PRKG1: variants seen among roughly 807,000 people sequenced by gnomAD.
PRKG1 encodes the protein cGMP-dependent protein kinase 1.
PRKG1 carries 35 observed loss-of-function variants against 88.1 expected under a neutral mutation model. The observed-to-expected ratio is 0.40, with a 90% CI of 0.30 to 0.53. The LOEUF (loss-of-function observed/expected upper bound fraction) is 0.53, where lower values mean the gene tolerates loss of function less well. PRKG1 is among the 20% of genes least tolerant of loss of function. The pLI, the probability that PRKG1 is intolerant of heterozygous loss-of-function variation, is 0.59. For missense variants in PRKG1, 540 were observed against 839.8 expected, an observed-to-expected ratio of 0.64 and a Z score of 4.41; for synonymous variants, 303 against 292.5, an observed-to-expected ratio of 1.04 and a Z score of -0.37.
intron 4 of PRKG1, among the ~76,000 whole-genome samples, chr10:51,849,723 T>A (rs1840496080): frequency 6.6e-6 from 1 of 152,184 alleles, no homozygotes; most frequent in South Asian, 2.1e-4. Context: ...CTTTTAAAAT[T>A]CTTCAGATTT....
At chr10:50,996,360 T>C (rs1447263233) in intron 1 of PRKG1, among the ~76,000 whole-genome samples, 4 of 152,204 alleles carry the variant, frequency 2.6e-5, no homozygotes, top group African/African-American at 9.6e-5. Flanking sequence ...CACTATACTA[T>C]ATGAACTTGG....
chr10:51,681,213 T>C (rs1840841990), intron 3 of PRKG1, among the ~76,000 whole-genome samples: 1 of 152,174 alleles, frequency 6.6e-6, no homozygotes, highest in African/African-American at 2.4e-5. Context: ...ATCTATTCAA[T>C]TTCATTAGTG....
chr10:51,577,718 C>G (rs936656142), intron 3 of PRKG1, among the ~76,000 whole-genome samples: 3 of 152,008 alleles, frequency 2.0e-5, no homozygotes, highest in Non-Finnish European at 4.4e-5. Flanking sequence ...CCTGAAACAG[C>G]TGATGTCTTG....
chr10:51,588,505 A>C (rs534104512), intron 3 of PRKG1, among the ~76,000 whole-genome samples: 1 of 152,296 alleles, frequency 6.6e-6, no homozygotes, highest in Non-Finnish European at 1.5e-5. Context: ...TGTATTTCTC[A>C]GTTTCACTCA....
At chr10:51,953,910 G>A (rs1431974217) in intron 5 of PRKG1, among the ~76,000 whole-genome samples, 1 of 151,948 alleles carries the variant, frequency 6.6e-6, no homozygotes, top group Non-Finnish European at 1.5e-5. Context: ...TAAAGAAATT[G>A]CCCCTTTTAT....
chr10:51,144,459 G>A (rs765674643), intron 1 of PRKG1, among the ~76,000 whole-genome samples: 77 of 152,052 alleles, frequency 5.1e-4, no homozygotes, highest in South Asian at 1.5e-3. Flanking sequence ...GTACATTGTG[G>A]AACACAGAAT....
chr10:51,145,126 G>A (rs1845912446), intron 1 of PRKG1, among the ~76,000 whole-genome samples: 3 of 152,158 alleles, frequency 2.0e-5, no homozygotes, highest in Non-Finnish European at 4.4e-5. Flanking sequence ...GTGGTGGTGT[G>A]AGTTGCTGGG....
At chr10:51,334,284 T>C (rs542360464) in intron 2 of PRKG1, among the ~76,000 whole-genome samples, 1 of 151,850 alleles carries the variant, frequency 6.6e-6, no homozygotes, top group Non-Finnish European at 1.5e-5. Context: ...AACTAAAATG[T>C]AAATTCTCCA....
At chr10:52,178,485 A>G (rs1245620749) in intron 9 of PRKG1, among the ~76,000 whole-genome samples, 1 of 152,062 alleles carries the variant, frequency 6.6e-6, no homozygotes, top group Non-Finnish European at 1.5e-5. Flanking sequence ...GTTGGCTGAA[A>G]TGCTCTGTAA....
At chr10:51,649,571 C>T (rs1344231244) in intron 3 of PRKG1, among the ~76,000 whole-genome samples, 3 of 152,020 alleles carry the variant, frequency 2.0e-5, no homozygotes, top group Non-Finnish European at 2.9e-5. Context: ...TTCGTGTCAC[C>T]GATAGAGAGT....
chr10:51,355,159 G>A (rs903010607), intron 2 of PRKG1, among the ~76,000 whole-genome samples: 1 of 152,008 alleles, frequency 6.6e-6, no homozygotes, highest in Non-Finnish European at 1.5e-5. Context: ...ATGGTACTTG[G>A]TGCATAATAA....
At chr10:52,133,292 G>T (rs1837315002) in intron 7 of PRKG1, among the ~76,000 whole-genome samples, 1 of 152,090 alleles carries the variant, frequency 6.6e-6, no homozygotes, top group Non-Finnish European at 1.5e-5. Context: ...CTTAAGATTT[G>T]TCAAATGCTC....
At chr10:51,003,595 C>G (rs1420895945) in intron 1 of PRKG1, among the ~76,000 whole-genome samples, 1 of 152,190 alleles carries the variant, frequency 6.6e-6, no homozygotes, top group African/African-American at 2.4e-5. Flanking sequence ...CTCTTCTTAG[C>G]CTATGTCTGC....
intron 2 of PRKG1, among the ~76,000 whole-genome samples, chr10:51,232,878 T>C (rs1404496000): frequency 1.3e-5 from 2 of 152,188 alleles, no homozygotes; most frequent in Non-Finnish European, 2.9e-5. Flanking sequence ...CATTTCTAGC[T>C]ATGATTAGTT....
At chr10:52,016,781 T>C (rs1457401350) in intron 5 of PRKG1, among the ~76,000 whole-genome samples, 1 of 152,010 alleles carries the variant, frequency 6.6e-6, no homozygotes, top group Non-Finnish European at 1.5e-5. Context: ...AGATAGAAAA[T>C]AAGCATATTT....
intron 1 of PRKG1, among the ~76,000 whole-genome samples, chr10:51,119,950 C>T (rs1057111314): frequency 2.6e-5 from 4 of 152,076 alleles, no homozygotes; most frequent in African/African-American, 9.7e-5. Flanking sequence ...TGAGCTTGGA[C>T]ATGAAAGTTT....
Position 51,695,209 on chromosome 10 carries a change from T to C in PRKG1, c.593-109376T>C, listed in dbSNP as rs150150771. Among the ~76,000 whole-genome samples, 605 of 152,324 alleles carry C rather than the reference T, an allele frequency of 4.0e-3. 5 individuals carry two copies. The highest frequency in any genetic ancestry group is 0.014 in the African/African-American group (584 of 41,580). On this transcript the variant is annotated intron_variant, in intron 3 of 17. Transcript: ENST00000373980. ...TAATGAAGATAGCTACGAGGTGCTA[T>C]TGAAATACAGAGGAATTCTCTCTGG...
intron 3 of PRKG1, among the ~76,000 whole-genome samples, chr10:51,488,154 G>T (rs570885066): frequency 6.6e-6 from 1 of 152,304 alleles, no homozygotes; most frequent in Non-Finnish European, 1.5e-5. Context: ...CTGGGTGACT[G>T]TGAGTCCAGC....
intron 5 of PRKG1, among the ~76,000 whole-genome samples, chr10:51,984,687 A>C (rs1844106928): frequency 6.6e-6 from 1 of 152,198 alleles, no homozygotes; most frequent in African/African-American, 2.4e-5. Flanking sequence ...TGTAACTCTC[A>C]GTGGTAATGT....
Sources: gnomAD v4.1 joint callset for allele counts (sites outside exome capture counted in the v4.1 genomes callset) on GRCh38, gnomAD v4.1.1 for gene constraint, MANE v1.5 for transcripts, NCBI Gene and HGNC (gene_info 2026-07-23, HGNC 2026-07-21) for gene names.